ATN1: variants seen among roughly 807,000 people sequenced by gnomAD.
ATN1 encodes atrophin 1.
In ATN1, 19 loss-of-function variants were observed where a neutral mutation model predicts 85.8. The ratio of observed to expected loss-of-function variants is 0.22; its 90% CI spans 0.15 to 0.32. ATN1 has a LOEUF of 0.32. ATN1 is among the 10% of genes least tolerant of loss of function. ATN1 has a pLI of 1.00. For missense variants in ATN1, 1,453 were observed against 1,564.5 expected (o/e 0.93, Z 1.20); for synonymous variants, 674 against 657.0 (o/e 1.03, Z -0.39).
Position 6,941,252 on chromosome 12 carries a change from T to C in ATN1, c.3359-122T>C. On this transcript the variant is annotated intron_variant, in intron 8 of 9. Coordinates refer to ENST00000396684, the MANE Select transcript of ATN1 (RefSeq NM_001940.4). The surrounding 1 kb of genome is among the most constrained non-coding windows in gnomAD (Gnocchi z 5.9). ...CCCTACCACTGGCAACTTACAGAACTGGGTGTGTTACCTCACTTTTTAGTT... is the reference window on the plus strand; with the variant it reads ...CCCTACCACTGGCAACTTACAGAACCGGGTGTGTTACCTCACTTTTTAGTT... 7.6e-7 allele frequency: 1 copy of C among 1,312,348 alleles called. No individual in the cohort carries two copies. Among genetic ancestry groups the C allele is most frequent in the Non-Finnish European group, 1.0e-6 (1 of 956,618 alleles). The allele number at this position is 1,312,348 out of a possible 1,614,324, so 81.3% of individuals were successfully genotyped here. A position where few individuals can be genotyped will look rare whatever the true frequency, so the allele number is the denominator to read the frequency against.
rs376561844 is a variant in ATN1, at chr12:6,936,097, C to T, written c.830C>T (p.Thr277Ile). Residue 277 changes from threonine to isoleucine, a missense_variant, in exon 5 of 10, where the codon ACC becomes ATC. Around this residue, in one of 6 missense-constraint regions of ATN1, gnomAD observed 990 missense variants for 914.8 expected, o/e 1.08. Coordinates refer to ENST00000396684, the MANE Select transcript of ATN1 (RefSeq NM_001940.4). ...GGTGCTCCCCCAACAAAGCCGCCTA[C>T]CACTCCAGTGGGTGGTGGGAACCTA... ...ASGAPPTKPP[T>I]TPVGGGNLPS... The T allele has an allele frequency of 6.5e-6, 10 of 1,528,166 alleles. No homozygotes were observed. The highest frequency in any genetic ancestry group is 7.9e-6 in the Non-Finnish European group (9 of 1,138,870). The allele number at this position is 1,528,166 out of a possible 1,614,324, so 94.7% of individuals were successfully genotyped here.
upstream of ATN1, among the ~76,000 whole-genome samples, chr12:6,925,141 T>TGTGTGTGTGTGTGTGTGTGA (rs1445451270): frequency 6.8e-6 from 1 of 147,554 alleles, no homozygotes; most frequent in African/African-American, 2.5e-5. Context: ...TGTGTGTGTG[T>TGTGTGTGTGTGTGTGTGTGA]GAGAGAGAGA....
Position 6,934,160 on chromosome 12 carries a change from C to T in ATN1, c.28-16C>T. The T allele has an allele frequency of 6.2e-7, 1 of 1,613,616 alleles. No homozygotes were observed. Among genetic ancestry groups the T allele is most frequent in the Non-Finnish European group, 8.5e-7 (1 of 1,179,830 alleles). On this transcript the variant is annotated splice_polypyrimidine_tract_variant and intron_variant, in intron 2 of 9. Transcript: ENST00000396684. This position sits in a 1 kb window ranked among gnomAD's most constrained non-coding sequence, Gnocchi z 4.5. ...TGTAAAGAACAGTGTTACCTACCTC[C>T]TTCCTCCTCCTGTAGATGTCAATGA... is the stretch of plus-strand genomic sequence containing the variant.
Position 6,928,280 on chromosome 12 carries a change from C to G in ATN1, c.-267C>G, listed in dbSNP as rs1283612994. On this transcript the variant is annotated 5_prime_UTR_variant, in exon 1 of 10. Transcript: ENST00000396684. ...CCGTCGTCGCGGCGGCGACTGAGGC[C>G]GAGAAGAGGAGAGGGGGGCGGGGGA... The G allele has an allele frequency of 7.3e-6, 1 of 136,772 alleles. No homozygotes were observed. Among genetic ancestry groups the G allele is most frequent in the Non-Finnish European group, 1.6e-5 (1 of 63,364 alleles). The allele number at this position is 136,772 out of a possible 1,614,324, so 8.5% of individuals were successfully genotyped here.
Position 6,935,291 on chromosome 12 carries a change from A to C in ATN1, c.280-256A>C, listed in dbSNP as rs1945516976. On this transcript the variant is annotated intron_variant, in intron 4 of 9. Transcript: ENST00000396684. The surrounding 1 kb of genome is among the most constrained non-coding windows in gnomAD (Gnocchi z 5.3). ...GTTGGAGTCAGCTGTGGGTAGAGAC[A>C]AGGTGCTTGAGATGGATCCTTGAGG... Among the ~76,000 whole-genome samples, 1 of 152,122 alleles carries C rather than the reference A, an allele frequency of 6.6e-6. No homozygotes were observed.
rs782322285 is a variant in ATN1 at position 6,928,868 on chromosome 12, T to C, written c.-163+484T>C. Reference sequence around the variant, plus strand: ...TTCCGGAGCCTGGGGTTGGGGGCTTTAGGAATAGACGGGAAGTGGGAAACG... The same window carrying C: ...TTCCGGAGCCTGGGGTTGGGGGCTTCAGGAATAGACGGGAAGTGGGAAACG... On this transcript the variant is annotated intron_variant, in intron 1 of 9. Transcript: ENST00000396684. Among the ~76,000 whole-genome samples, 163 of 151,962 alleles carry C rather than the reference T, an allele frequency of 1.1e-3. 1 individual carries two copies. The South Asian group carries it at 0.029, about 27-fold the overall frequency.
rs1423021846 is a variant in ATN1, at chr12:6,938,735, C to T, written c.2772C>T (p.Tyr924=). The change falls in exon 7 of 10, where the codon TAC becomes TAT. Residue 924 remains tyrosine, a synonymous_variant. Transcript: ENST00000396684. ...TGGGTTACAATGTCCCGGCCCTGTACAGCAGTGATCCAGCTGCCCGGGAGA... is the reference window on the plus strand; with the variant it reads ...TGGGTTACAATGTCCCGGCCCTGTATAGCAGTGATCCAGCTGCCCGGGAGA... ...GLLGYNVPAL[Y]SSDPAARERE... is the part of the protein sequence containing the mutation. The T allele has an allele frequency of 2.5e-6, 4 of 1,614,040 alleles. No homozygotes were observed. The highest frequency in any genetic ancestry group is 4.5e-5 in the East Asian group (2 of 44,888).
In ATN1 at chr12:6,933,941, A is replaced by G. The variant is rs368148423; in HGVS notation, c.-61A>G. On this transcript the variant is annotated 5_prime_UTR_variant, in exon 2 of 10. Coordinates refer to ENST00000396684, the MANE Select transcript of ATN1 (RefSeq NM_001940.4). ...AGCTGTGGGGAACTTGGGGTGGAGC[A>G]GAGAAGTTTCTGTATTCAGCTGCCC... 1.2e-4 allele frequency: 189 copies of G among 1,567,266 alleles called. 1 individual carries two copies. In the African/African-American group the frequency reaches 2.1e-3, roughly 18 times the overall value.
In ATN1 at chr12:6,934,435, A is replaced by G; in HGVS notation, c.166-30A>G. 2.5e-6 allele frequency: 4 copies of G among 1,601,284 alleles called. No homozygotes were observed. Among genetic ancestry groups the G allele is most frequent in the Non-Finnish European group, 3.4e-6 (4 of 1,173,318 alleles). On this transcript the variant is annotated intron_variant, in intron 3 of 9. Transcript: ENST00000396684. The surrounding 1 kb of genome is among the most constrained non-coding windows in gnomAD (Gnocchi z 4.5). ...CGGTGGAGCTCGGGAGGTAGGGAAA[A>G]GACAGGAATTTTCTCTTTCTCTCTA...
upstream of ATN1, among the ~76,000 whole-genome samples, chr12:6,926,588 C>T (rs1945401126): frequency 6.6e-6 from 1 of 152,050 alleles, no homozygotes; most frequent in Non-Finnish European, 1.5e-5. Context: ...ATTCTCCTGC[C>T]TCAGCCTCTG....
Position 6,939,015 on chromosome 12 carries a change from G to A in ATN1, c.3052G>A (p.Ala1018Thr), listed in dbSNP as rs782656755. ...AGCCCTGCGGCCTGACATGTCCTAT[G>A]CTGAGCGGCTGGCAGCTGAGAGGCA... ...GPALRPDMSYAERLAAERQHA... is the reference protein window; with the variant it reads ...GPALRPDMSYTERLAAERQHA... The change falls in exon 7 of 10, where the codon GCT becomes ACT. Residue 1018 changes from alanine (A) to threonine (T), a missense_variant. By Grantham distance (58) the Ala-to-Thr change is moderately conservative (BLOSUM62 0). Transcript: ENST00000396684. 2 of 1,611,346 alleles carry A rather than the reference G, an allele frequency of 1.2e-6. No homozygotes were observed. Among genetic ancestry groups the A allele is most frequent in the Non-Finnish European group, 1.7e-6 (2 of 1,180,010 alleles).
At position 6,934,507 on chromosome 12, in the gene ATN1, C is replaced by A; in HGVS notation, c.208C>A (p.Gln70Lys). Reference protein sequence around the residue: ...EEASTPKVNKQGRSEEISESE... With the variant: ...EEASTPKVNKKGRSEEISESE... ...AGCCTCCACCCCAAAGGTCAACAAG[C>A]AGGGTCGGAGTGAGGAGATCTCAGA... is the stretch of plus-strand genomic sequence containing the variant. The change falls in exon 4 of 10, where the codon CAG (glutamine) becomes AAG (lysine). Residue 70 changes from glutamine (Q) to lysine (K), a missense_variant. This residue lies in a region of ATN1 where 130 missense variants were observed against 158.2 expected (regional missense o/e 0.82). Transcript: ENST00000396684. The surrounding 1 kb of genome is among the most constrained non-coding windows in gnomAD (Gnocchi z 4.5). 1.9e-6 allele frequency: 3 copies of A among 1,589,464 alleles called. No individual in the cohort carries two copies. Among genetic ancestry groups the A allele is most frequent in the Non-Finnish European group, 2.6e-6 (3 of 1,167,358 alleles).
At chr12:6,925,105 T>TGTGTGC (rs1379418740), upstream of ATN1, among the ~76,000 whole-genome samples, 8 of 140,372 alleles carry the variant, frequency 5.7e-5, no homozygotes, top group Non-Finnish European at 1.2e-4. Flanking sequence ...TGGGGCTGTG[T>TGTGTGC]GTGTGCGTGT....
chr12:6,930,259 G>A (rs781897046), intron 1 of ATN1, among the ~76,000 whole-genome samples: 3 of 152,318 alleles, frequency 2.0e-5, no homozygotes, highest in East Asian at 3.9e-4. Flanking sequence ...GGGCTGCATT[G>A]TTATCTAGGA....
At chr12:6,931,715 C>CA (rs1197799382) in intron 1 of ATN1, among the ~76,000 whole-genome samples, 1,394 of 57,256 alleles carry the variant, frequency 0.024, 8 homozygotes, top group Middle Eastern at 0.061. Context: ...AGATCCATCT[C>CA]AAAAAAAAAA....
At chr12:6,930,999 C>T (rs782134298) in intron 1 of ATN1, among the ~76,000 whole-genome samples, 8 of 152,228 alleles carry the variant, frequency 5.3e-5, no homozygotes, top group African/African-American at 1.9e-4. Flanking sequence ...TCCTCGTCTG[C>T]CACTCCTTAT....
Position 6,937,921 on chromosome 12 carries a change from A to G in ATN1, c.2371A>G (p.Lys791Glu). ...DLYFVPLEGS[K>E]LAKKRADLVE... ...GTACTTCGTGCCACTGGAGGGCTCC[A>G]AGCTGGCCAAGAAGCGGGCCGACCT... The change falls in exon 6 of 10, where the codon AAG (lysine) becomes GAG (glutamate). Residue 791 changes from lysine to glutamate, a missense_variant. By Grantham distance (56) the Lys-to-Glu change is moderately conservative (BLOSUM62 1). Transcript: ENST00000396684. This position sits in a 1 kb window ranked among gnomAD's most constrained non-coding sequence, Gnocchi z 6.0. 6.3e-7 allele frequency: 1 copy of G among 1,594,990 alleles called. No individual in the cohort carries two copies. Among genetic ancestry groups the G allele is most frequent in the Non-Finnish European group, 8.5e-7 (1 of 1,171,418 alleles).
intron 7 of ATN1, 57 bp from the exon 8 acceptor site, chr12:6,940,823 G>C (rs1400790757): frequency 2.5e-6 from 4 of 1,608,624 alleles, no homozygotes; most frequent in Non-Finnish European, 3.4e-6. Flanking sequence ...TCACCCAAAT[G>C]CATGGTTTGC....
At position 6,938,747 on chromosome 12, in the gene ATN1, A is replaced by G; in HGVS notation, c.2784A>G (p.Pro928=). 1 of 1,613,990 alleles carries G rather than the reference A, an allele frequency of 6.2e-7. No individual in the cohort carries two copies. Among genetic ancestry groups the G allele is most frequent in the Non-Finnish European group, 8.5e-7 (1 of 1,180,018 alleles). ...YNVPALYSSD[P]AAREREREAR... is the part of the protein sequence containing the mutation. ...TCCCGGCCCTGTACAGCAGTGATCC[A>G]GCTGCCCGGGAGAGGGAACGGGAAG... The change falls in exon 7 of 10, where the codon CCA becomes CCG. Residue 928 remains proline (P), a synonymous_variant. Transcript: ENST00000396684.
Sources: gnomAD v4.1 joint callset for allele counts (sites outside exome capture counted in the v4.1 genomes callset) on GRCh38, gnomAD v4.1.1 for gene constraint, gnomAD v4.1.1 regional missense constraint, Gnocchi (gnomAD v3.1) non-coding constraint, MANE v1.5 for transcripts, NCBI Gene and HGNC (gene_info 2026-07-23, HGNC 2026-07-21) for gene names.